Variants in ZMYM2 observed in about 807,000 individuals in gnomAD.
The protein encoded by ZMYM2 is zinc finger MYM-type containing 2, also known as zinc finger MYM-type protein 2.
ZMYM2 carries 56 observed loss-of-function variants against 162.8 expected under a neutral mutation model. That is an observed-to-expected ratio of 0.34 (90% CI 0.28 to 0.43). The LOEUF is 0.43. Ranked by LOEUF, ZMYM2 falls within the 20% of genes least tolerant of loss-of-function variation. The pLI is 1.00. For missense variants in ZMYM2, 1,275 were observed against 1,621.8 expected (o/e 0.79, Z 3.67); for synonymous variants, 510 against 541.6 (o/e 0.94, Z 0.81).
At chr13:20,060,979 CAG>C (rs1956184524) in intron 16 of ZMYM2, 72 bp from the exon 17 acceptor site, 3 of 1,401,934 alleles carry the variant, frequency 2.1e-6, no homozygotes, top group South Asian at 1.4e-5. Flanking sequence ...GATCATGTGT[CAG>C]AGTAATTTTT....
In ZMYM2 at chr13:20,051,514, G is replaced by T; in HGVS notation, c.2374G>T (p.Asp792Tyr). ...QWRGEMKHFC[D>Y]QHCLLRFYCQ... ...GCGTGGGGAAATGAAACATTTCTGT[G>T]ATCAACATTGCTTACTGCGTTTCTA... Residue 792 changes from aspartate to tyrosine, a missense_variant, in exon 13 of 25, where the codon GAT (aspartate) becomes TAT (tyrosine). Coordinates refer to ENST00000610343, the MANE Select transcript of ZMYM2 (RefSeq NM_197968.4). 1 of 1,613,568 alleles carries T rather than the reference G, an allele frequency of 6.2e-7. No homozygotes were observed. The highest frequency in any genetic ancestry group is 8.5e-7 in the Non-Finnish European group (1 of 1,179,628).
In ZMYM2 at chr13:20,011,080, G is replaced by A. The variant is rs142379353; in HGVS notation, c.1512+4494G>A. On this transcript the variant is annotated intron_variant, in intron 6 of 24. Coordinates refer to ENST00000610343, the MANE Select transcript of ZMYM2 (RefSeq NM_197968.4). Reference sequence around the variant, plus strand: ...ACCCCAAAATTATTTTTTTATGTTGGGAACATTCGAAATTCTCTCTTTTAG... The same window carrying A: ...ACCCCAAAATTATTTTTTTATGTTGAGAACATTCGAAATTCTCTCTTTTAG... Among the ~76,000 whole-genome samples, 6 of 152,108 alleles carry A rather than the reference G, an allele frequency of 3.9e-5. No homozygotes were observed. In the East Asian group the frequency reaches 1.2e-3, roughly 29 times the overall value.
At chr13:19,954,167 C>T (rs375501590), upstream of ZMYM2, among the ~76,000 whole-genome samples, 12 of 57,502 alleles carry the variant, frequency 2.1e-4, no homozygotes, top group Admixed American at 2.0e-3. Flanking sequence ...CTCACTCTGT[C>T]GCCCAGGCTG....
chr13:20,049,391 G>C (rs1241068636), intron 12 of ZMYM2, among the ~76,000 whole-genome samples: 1 of 151,866 alleles, frequency 6.6e-6, no homozygotes, highest in Non-Finnish European at 1.5e-5. Context: ...TCTTGAGGTG[G>C]AATGTGTTTA....
At chr13:19,991,831 T>C (rs56344409) in intron 2 of ZMYM2, among the ~76,000 whole-genome samples, 8,401 of 151,876 alleles carry the variant, frequency 0.055, 702 homozygotes, top group African/African-American at 0.18. Flanking sequence ...GGTTTTGTCA[T>C]GTTGCCCAGG....
intron 7 of ZMYM2, 178 bp downstream of exon 7, chr13:20,019,796 T>C: frequency 1.7e-6 from 1 of 601,638 alleles, no homozygotes; most frequent in East Asian, 2.9e-5. Context: ...ATTTCACTAA[T>C]TTTACATGTA....
At chr13:19,938,118 G>A in the ZMYM2 span, among the ~76,000 whole-genome samples, 2 of 152,264 alleles carry the variant, frequency 1.3e-5, no homozygotes, top group Middle Eastern at 3.4e-3. Flanking sequence ...ACATATGTGT[G>A]CATGTGTCTT....
chr13:19,992,134 A>G (rs1291856508), intron 2 of ZMYM2, among the ~76,000 whole-genome samples: 1 of 152,182 alleles, frequency 6.6e-6, no homozygotes, highest in Admixed American at 6.5e-5. Flanking sequence ...TAAAGCACAC[A>G]GCATAGTGCC....
intron 12 of ZMYM2, among the ~76,000 whole-genome samples, chr13:20,039,864 T>A (rs897600534): frequency 3.3e-5 from 5 of 152,226 alleles, no homozygotes; most frequent in Admixed American, 2.6e-4. Flanking sequence ...TGTCTTTAGT[T>A]CTGTTTATGT....
chr13:19,961,718 CT>C (rs1370502893), intron 2 of ZMYM2, among the ~76,000 whole-genome samples: 2 of 152,212 alleles, frequency 1.3e-5, no homozygotes, highest in African/African-American at 4.8e-5. Flanking sequence ...AGCAGTGCTG[CT>C]TTTACGTAAT....
At chr13:19,874,688 T>C in the ZMYM2 span, among the ~76,000 whole-genome samples, 1 of 151,450 alleles carries the variant, frequency 6.6e-6, no homozygotes, top group South Asian at 2.1e-4. Context: ...AATTTAATCA[T>C]ATTTGCCAAT....
chr13:19,866,391 T>C, the ZMYM2 span, among the ~76,000 whole-genome samples: 122,079 of 152,064 alleles, frequency 0.8, 50,339 homozygotes, highest in East Asian at 0.96. Flanking sequence ...TCTGGCCCGG[T>C]GCGGTGGCTC....
At chr13:19,868,530 TAAG>T in the ZMYM2 span, among the ~76,000 whole-genome samples, 1 of 152,176 alleles carries the variant, frequency 6.6e-6, no homozygotes, top group African/African-American at 2.4e-5. Flanking sequence ...ACATAGTAGT[TAAG>T]GAGCAAAATC....
At chr13:20,074,675 A>G (rs545168258) in intron 21 of ZMYM2, among the ~76,000 whole-genome samples, 1 of 152,026 alleles carries the variant, frequency 6.6e-6, no homozygotes, top group East Asian at 1.9e-4. Context: ...AGTAGCTGGC[A>G]CTACAGGCGC....
chr13:20,027,943 G>T (rs1349090035), intron 9 of ZMYM2: 1 of 174,728 alleles, frequency 5.7e-6, no homozygotes, highest in Non-Finnish European at 1.2e-5. Flanking sequence ...GCATTAGTTA[G>T]GTGATACGAT....
At chr13:19,971,917 CATCTT>C (rs1956370277) in intron 2 of ZMYM2, among the ~76,000 whole-genome samples, 1 of 151,802 alleles carries the variant, frequency 6.6e-6, no homozygotes, top group South Asian at 2.1e-4. Flanking sequence ...CGTTTTGAAA[CATCTT>C]GATTGAGATA....
chr13:20,077,772 G>C (rs1957609487), intron 21 of ZMYM2, among the ~76,000 whole-genome samples: 1 of 152,090 alleles, frequency 6.6e-6, no homozygotes. Context: ...TACCACAAAG[G>C]CCTCTATTCC....
intron 2 of ZMYM2, among the ~76,000 whole-genome samples, chr13:19,987,572 C>CGTGT (rs36128018): frequency 0.082 from 10,943 of 133,282 alleles, 587 homozygotes; most frequent in African/African-American, 0.14. Flanking sequence ...CGCCCCGCTA[C>CGTGT]GTGTGTGTGT....
intron 12 of ZMYM2, among the ~76,000 whole-genome samples, chr13:20,049,917 A>T (rs976869620): frequency 6.6e-6 from 1 of 151,984 alleles, no homozygotes; most frequent in African/African-American, 2.4e-5. Flanking sequence ...TTTGAGCATA[A>T]ATTATAAAAA....
Sources: allele counts gnomAD v4.1 joint callset (sites outside exome capture counted in the v4.1 genomes callset), GRCh38; gene constraint gnomAD v4.1.1; transcripts MANE v1.5; gene names NCBI Gene and HGNC (gene_info 2026-07-23, HGNC 2026-07-21).